Variants in ACOT11 observed in about 807,000 individuals in gnomAD.
ACOT11 encodes the protein acyl-CoA thioesterase 11.
In ACOT11, 69 loss-of-function variants were observed where a neutral mutation model predicts 77.5. That is an observed-to-expected ratio of 0.89 (90% confidence interval 0.73 to 1.09). The LOEUF (loss-of-function observed/expected upper bound fraction) is 1.09. ACOT11 is among the 50% of genes least tolerant of loss of function. The probability of loss-of-function intolerance (pLI) is 0.00; values close to 1 mark genes in which losing one functional copy is unlikely to be tolerated. For synonymous variants in ACOT11, 279 were observed against 313.0 expected (o/e 0.89, Z 1.15); for missense variants, 766 against 813.7 (o/e 0.94, Z 0.71).
chr1:54,609,010 C>A lies in ACOT11; in HGVS notation c.1683C>A (p.Asn561Lys), dbSNP rs76017814. Residue 561 changes from asparagine to lysine, a missense_variant, in exon 16 of 16, where the codon AAC (asparagine) becomes AAA (lysine). Coordinates refer to ENST00000343744, the MANE Select transcript of ACOT11 (RefSeq NM_147161.4). ...TPGVLNYVTT[N>K]VAGLSSEFYT... The stretch of plus-strand genomic sequence containing the variant: ...GTGTTCTCAACTATGTGACCACCAA[C>A]GTGGCCGGCCTCTCCTCTGAGTTCT... 1.3e-4 allele frequency: 212 copies of A among 1,608,382 alleles called. No homozygotes were observed. The highest frequency in any genetic ancestry group is 1.6e-4 in the Non-Finnish European group (187 of 1,177,714).
chr1:54,585,564 G>A (rs559182457), intron 2 of ACOT11, among the ~76,000 whole-genome samples: 29 of 152,228 alleles, frequency 1.9e-4, no homozygotes, highest in Non-Finnish European at 3.7e-4. Context: ...CTGGGGTACA[G>A]CAATGAACAA....
chr1:54,593,457 G>GT (rs1654783002), intron 4 of ACOT11, among the ~76,000 whole-genome samples: 2 of 121,682 alleles, frequency 1.6e-5, no homozygotes, highest in African/African-American at 3.5e-5. Context: ...GTGTGTGTGT[G>GT]GTTTTTTTTT....
Position 54,592,598 on chromosome 1 carries a change from A to C in ACOT11, c.364A>C (p.Ser122Arg), listed in dbSNP as rs1031392161. Residue 122 changes from serine (S) to arginine (R), a missense_variant, in exon 4 of 16, where the codon AGC becomes CGC. Transcript: ENST00000343744. Reference sequence around the variant, plus strand: ...CAAGGTGAACCGGGCCTTCAACTCCAGCATGGAGGTGTGTGGGGTGGGCAC... The same window carrying C: ...CAAGGTGAACCGGGCCTTCAACTCCCGCATGGAGGTGTGTGGGGTGGGCAC... Reference protein sequence around the residue: ...KAKVNRAFNSSMEVGIQVASE... With the variant: ...KAKVNRAFNSRMEVGIQVASE... 6 of 1,613,262 alleles carry C rather than the reference A, an allele frequency of 3.7e-6. No homozygotes were observed. The highest frequency in any genetic ancestry group is 4.2e-6 in the Non-Finnish European group (5 of 1,179,672).
At chr1:54,564,571 G>A (rs79735217) in intron 1 of ACOT11, among the ~76,000 whole-genome samples, 3,752 of 152,362 alleles carry the variant, frequency 0.025, 155 homozygotes, top group African/African-American at 0.087. Context: ...AGCAGCCTCT[G>A]GTTTCCAGCA....
At chr1:54,595,330 G>T (rs1027862428) in intron 6 of ACOT11, among the ~76,000 whole-genome samples, 2 of 152,106 alleles carry the variant, frequency 1.3e-5, no homozygotes, top group Non-Finnish European at 2.9e-5. Flanking sequence ...TAGGCAAAAA[G>T]AGTGAAACTC....
intron 1 of ACOT11, among the ~76,000 whole-genome samples, chr1:54,562,562 C>A (rs1653568859): frequency 6.8e-6 from 1 of 146,102 alleles, no homozygotes; most frequent in African/African-American, 2.5e-5. Flanking sequence ...CCCCACCTCC[C>A]TCCCGGACGG....
chr1:54,609,172 T>A lies in ACOT11; in HGVS notation c.*60T>A, dbSNP rs1644077803. On this transcript the variant is annotated 3_prime_UTR_variant, in exon 16 of 16. Coordinates refer to ENST00000343744, the MANE Select transcript of ACOT11 (RefSeq NM_147161.4). ...TCCATCCTGTCCCCAAGGACTCACA[T>A]ACAGTGCCTGGAGAAAGCCAAAGAC... The A allele has an allele frequency of 6.2e-7, 1 of 1,609,614 alleles. No individual in the cohort carries two copies. The highest frequency in any genetic ancestry group is 2.2e-5 in the East Asian group (1 of 44,818).
chr1:54,573,560 C>G (rs1364100787), intron 1 of ACOT11, among the ~76,000 whole-genome samples: 1 of 152,078 alleles, frequency 6.6e-6, no homozygotes, highest in Non-Finnish European at 1.5e-5. Flanking sequence ...TGGTGAAACC[C>G]CATCTCTACT....
Position 54,609,395 on chromosome 1 carries a change from G to A in ACOT11, c.*283G>A. The A allele has an allele frequency of 6.2e-7, 1 of 1,614,096 alleles. No homozygotes were observed. The highest frequency in any genetic ancestry group is 1.1e-5 in the South Asian group (1 of 91,084). The stretch of plus-strand genomic sequence containing the variant: ...CCTCACAGAGGCATAGTCGCCCCCA[G>A]CTGGGTTGTGCTCCACTGTGACGGT... On this transcript the variant is annotated 3_prime_UTR_variant, in exon 16 of 16. Coordinates refer to ENST00000343744, the MANE Select transcript of ACOT11 (RefSeq NM_147161.4).
chr1:54,563,293 A>G (rs1653617166), intron 1 of ACOT11, among the ~76,000 whole-genome samples: 1 of 152,198 alleles, frequency 6.6e-6, no homozygotes, highest in African/African-American at 2.4e-5. Flanking sequence ...AGCTTAAGCA[A>G]CTTGGAGAGG....
downstream of ACOT11, chr1:54,610,781 G>C (rs534504457): frequency 3.1e-5 from 31 of 984,560 alleles, no homozygotes; most frequent in African/African-American, 5.1e-4. Flanking sequence ...ATGGGACCAG[G>C]TCTGCCTGGC....
intron 1 of ACOT11, chr1:54,573,032 T>C: frequency 1.0e-6 from 1 of 985,436 alleles, no homozygotes; most frequent in Non-Finnish European, 1.2e-6. Flanking sequence ...CCCTGGACCA[T>C]GCTGGAAAAG....
In ACOT11 at chr1:54,601,300, C is replaced by T. The variant is rs781051947; in HGVS notation, c.916C>T (p.Arg306Cys). The T allele has an allele frequency of 5.6e-6, 9 of 1,612,848 alleles. No individual in the cohort carries two copies. The East Asian group carries it at 8.9e-5, about 16-fold the overall frequency. ...MEVGVCVEAY[R>C]QEAETHRRHI... ...GGTGGGCGTGTGCGTGGAGGCCTAT[C>T]GCCAGGAGGCTGAGACCCACCGGCG... The change falls in exon 9 of 16, where the codon CGC becomes TGC. Residue 306 changes from arginine (R) to cysteine (C), a missense_variant. Arg to Cys is a radical substitution (Grantham distance 180). Transcript: ENST00000343744.
intron 5 of ACOT11, 112 bp from the exon 6 acceptor site, chr1:54,594,444 C>T: frequency 7.3e-7 from 1 of 1,368,010 alleles, no homozygotes; most frequent in Non-Finnish European, 9.8e-7. Flanking sequence ...TGAGCAGCAG[C>T]CCACGCCTGC....
chr1:54,592,192 G>T (rs1479602709), intron 3 of ACOT11, among the ~76,000 whole-genome samples: 2 of 152,182 alleles, frequency 1.3e-5, no homozygotes, highest in East Asian at 3.9e-4. Flanking sequence ...GGCCTCTGTT[G>T]GTGGGTGGGC....
intron 1 of ACOT11, among the ~76,000 whole-genome samples, chr1:54,566,181 G>C (rs1653723545): frequency 6.6e-6 from 1 of 152,200 alleles, no homozygotes. Context: ...GTGAGGGCAG[G>C]CATGGTGGCT....
rs534413951 is a variant in ACOT11, at chr1:54,579,741, C to T, written c.34-4914C>T. 1.1e-4 allele frequency among the ~76,000 whole-genome samples: 17 copies of T among 152,292 alleles called. 1 individual carries two copies. Among genetic ancestry groups the T allele is most frequent in the African/African-American group, 2.6e-4 (11 of 41,580 alleles). On this transcript the variant is annotated intron_variant, in intron 1 of 15. Coordinates refer to ENST00000343744, the MANE Select transcript of ACOT11 (RefSeq NM_147161.4). ...TCCAGTACCTTGTGAGAGGCAGGGG[C>T]GGGAGAGTGGGAGGAACAGGGGCTT...
intron 15 of ACOT11, chr1:54,619,808 C>T (rs1005518429): frequency 6.3e-6 from 10 of 1,576,198 alleles, no homozygotes; most frequent in Middle Eastern, 2.0e-4. Context: ...ACTTCTCTCC[C>T]TCTGTCTTCT....
In ACOT11 at chr1:54,592,564, T is replaced by C. The variant is rs1301695673; in HGVS notation, c.330T>C (p.Asn110=). ...EHTISVGQVV[N]IKAKVNRAFN... is the part of the protein sequence containing the mutation. Reference sequence around the variant, plus strand: ...TCCCCAGTGTTGGACAAGTGGTGAATATCAAGGCCAAGGTGAACCGGGCCT... The same window carrying C: ...TCCCCAGTGTTGGACAAGTGGTGAACATCAAGGCCAAGGTGAACCGGGCCT... The change falls in exon 4 of 16, where the codon AAT becomes AAC. Residue 110 remains asparagine (N), a synonymous_variant. Transcript: ENST00000343744. 1 of 1,612,900 alleles carries C rather than the reference T, an allele frequency of 6.2e-7. No homozygotes were observed. The highest frequency in any genetic ancestry group is 8.5e-7 in the Non-Finnish European group (1 of 1,179,550).
Sources: allele counts gnomAD v4.1 joint callset (sites outside exome capture counted in the v4.1 genomes callset), GRCh38; gene constraint gnomAD v4.1.1; transcripts MANE v1.5; gene names NCBI Gene and HGNC (gene_info 2026-07-23, HGNC 2026-07-21).